CEP112: variants seen among roughly 807,000 people sequenced by gnomAD.
CEP112 encodes the protein centrosomal protein of 112 kDa.
In CEP112, 127 loss-of-function variants were observed where a neutral mutation model predicts 153.0. That is an observed-to-expected ratio of 0.83 (90% CI 0.72 to 0.96). The LOEUF is 0.96. Among genes scored for constraint, CEP112 ranks in the 40% least tolerant of loss-of-function variants. The pLI is 0.00. For missense variants in CEP112, 1,089 were observed against 1,101.2 expected, an observed-to-expected ratio of 0.99 and a Z score of 0.16; for synonymous variants, 358 against 374.4, an observed-to-expected ratio of 0.96 and a Z score of 0.51.
At chr17:65,923,587 C>A (rs542623519) in intron 19 of CEP112, among the ~76,000 whole-genome samples, 80 of 152,152 alleles carry the variant, frequency 5.3e-4, no homozygotes, top group African/African-American at 1.8e-3. Context: ...AAATATTATT[C>A]CATTTTAATG....
intron 12 of CEP112, among the ~76,000 whole-genome samples, chr17:66,049,308 A>T (rs188825946): frequency 6.6e-6 from 1 of 152,362 alleles, no homozygotes; most frequent in East Asian, 1.9e-4. Flanking sequence ...ACACTATGAA[A>T]GAAAGTCAGC....
At chr17:65,724,762 C>A (rs963629706) in intron 23 of CEP112, among the ~76,000 whole-genome samples, 1 of 152,176 alleles carries the variant, frequency 6.6e-6, no homozygotes, top group Non-Finnish European at 1.5e-5. Context: ...TCTACAGCAA[C>A]AAAGATGATC....
intron 24 of CEP112, among the ~76,000 whole-genome samples, chr17:65,646,563 GT>G (rs1270365465): frequency 6.6e-6 from 1 of 152,190 alleles, no homozygotes; most frequent in African/African-American, 2.4e-5. Context: ...GACTCTCCAT[GT>G]TTTTATATGG....
At position 66,066,831 on chromosome 17, in the gene CEP112, T is replaced by A; in HGVS notation, c.902A>T (p.Tyr301Phe). Residue 301 changes from tyrosine to phenylalanine, a missense_variant, in exon 10 of 27, where the codon TAC (tyrosine) becomes TTC (phenylalanine). Tyr to Phe is a conservative substitution (Grantham distance 22). Coordinates refer to ENST00000535342, the MANE Select transcript of CEP112 (RefSeq NM_001199165.4). The stretch of plus-strand genomic sequence containing the variant: ...TTCAGTTTCATGTTGTTTACTCCTG[T>A]ATAAAGTTTTCAGTTCTTCTATTTC... Reference protein sequence around the residue: ...NNEIEELKTLYRSKQHETEET... With the variant: ...NNEIEELKTLFRSKQHETEET... 1 of 1,552,658 alleles carries A rather than the reference T, an allele frequency of 6.4e-7. No homozygotes were observed. The highest frequency in any genetic ancestry group is 8.7e-7 in the Non-Finnish European group (1 of 1,153,402).
intron 24 of CEP112, among the ~76,000 whole-genome samples, chr17:65,659,048 A>G (rs12451098): frequency 0.42 from 52,372 of 124,870 alleles, 12,621 homozygotes; most frequent in Middle Eastern, 0.53. Context: ...AAAATATCAG[A>G]CCATTTCTAT....
At chr17:65,893,221 G>A (rs1369758200) in intron 20 of CEP112, among the ~76,000 whole-genome samples, 1 of 151,910 alleles carries the variant, frequency 6.6e-6, no homozygotes, top group Non-Finnish European at 1.5e-5. Flanking sequence ...TACAAACAAG[G>A]GAAGAGACCT....
chr17:65,806,562 C>T lies in CEP112; in HGVS notation c.2394+45242G>A, dbSNP rs866708135. ...GTAATCCCCACATACTGGGGGAGGG[C>T]CCTGGTGGGAGGTGACTGAATCATG... On this transcript the variant is annotated intron_variant, in intron 21 of 26. Coordinates refer to ENST00000535342, the MANE Select transcript of CEP112 (RefSeq NM_001199165.4). Among the ~76,000 whole-genome samples, 12 of 152,270 alleles carry T rather than the reference C, an allele frequency of 7.9e-5. No individual in the cohort carries two copies. The South Asian group carries it at 2.5e-3, about 32-fold the overall frequency.
intron 21 of CEP112, among the ~76,000 whole-genome samples, chr17:65,847,033 C>T (rs1389816161): frequency 6.6e-6 from 1 of 152,180 alleles, no homozygotes; most frequent in East Asian, 1.9e-4. Context: ...GATGTGAGCA[C>T]AGCATTTAGA....
intron 24 of CEP112, among the ~76,000 whole-genome samples, chr17:65,678,657 G>A (rs1461587974): frequency 6.6e-6 from 1 of 152,074 alleles, no homozygotes; most frequent in Non-Finnish European, 1.5e-5. Context: ...GGCCCTCCCC[G>A]TGGTCTTCGT....
chr17:65,987,090 T>TA (rs1217870350), intron 17 of CEP112, among the ~76,000 whole-genome samples: 1 of 151,992 alleles, frequency 6.6e-6, no homozygotes, highest in Non-Finnish European at 1.5e-5. Flanking sequence ...AAACACAGAA[T>TA]AAAAATATAC....
At chr17:65,932,412 G>A (rs2061158016) in intron 18 of CEP112, among the ~76,000 whole-genome samples, 1 of 152,098 alleles carries the variant, frequency 6.6e-6, no homozygotes, top group African/African-American at 2.4e-5. Flanking sequence ...CTCCAACAAT[G>A]AACCCTAAAA....
intron 2 of CEP112, among the ~76,000 whole-genome samples, chr17:66,177,841 A>C (rs2072551952): frequency 6.6e-6 from 1 of 152,014 alleles, no homozygotes; most frequent in South Asian, 2.1e-4. Flanking sequence ...AGCTTATTTC[A>C]CTTAACATAA....
chr17:65,658,309 G>T (rs971883157), intron 24 of CEP112, among the ~76,000 whole-genome samples: 1 of 152,190 alleles, frequency 6.6e-6, no homozygotes, highest in Admixed American at 6.5e-5. Context: ...TGGGATTCAG[G>T]GGGGCAGCTG....
intron 21 of CEP112, among the ~76,000 whole-genome samples, chr17:65,823,022 T>C (rs538373817): frequency 1.4e-4 from 21 of 152,204 alleles, no homozygotes; most frequent in Admixed American, 2.6e-4. Flanking sequence ...CTCTAGATGC[T>C]GAAAACTATA....
chr17:65,762,269 T>A (rs2052660187), intron 21 of CEP112, among the ~76,000 whole-genome samples: 1 of 152,080 alleles, frequency 6.6e-6, no homozygotes, highest in Non-Finnish European at 1.5e-5. Context: ...CTGCTTAGTG[T>A]TAGTATGGTA....
At chr17:65,968,457 GC>G (rs1481401902) in intron 17 of CEP112, among the ~76,000 whole-genome samples, 1 of 152,116 alleles carries the variant, frequency 6.6e-6, no homozygotes, top group Admixed American at 6.5e-5. Context: ...TGTGACAGAA[GC>G]TTTTCTGCTC....
intron 21 of CEP112, among the ~76,000 whole-genome samples, chr17:65,847,652 A>G (rs1372417526): frequency 6.6e-6 from 1 of 152,190 alleles, no homozygotes; most frequent in African/African-American, 2.4e-5. Flanking sequence ...ACAGAAGTAA[A>G]CAAGCTAGAC....
chr17:65,735,335 A>C (rs191136798), intron 23 of CEP112, among the ~76,000 whole-genome samples: 3 of 152,308 alleles, frequency 2.0e-5, no homozygotes, highest in African/African-American at 7.2e-5. Context: ...TTCAGCTCAT[A>C]CTCATACAGA....
In CEP112 at chr17:66,028,407, T is replaced by C. The variant is rs758814116; in HGVS notation, c.1504-2A>G. The C allele has an allele frequency of 6.6e-7, 1 of 1,513,370 alleles. No homozygotes were observed. Among genetic ancestry groups the C allele is most frequent in the Non-Finnish European group, 9.0e-7 (1 of 1,107,706 alleles). The allele number at this position is 1,513,370 out of a possible 1,614,324, so 93.7% of individuals were successfully genotyped here. A position where few individuals can be genotyped will look rare whatever the true frequency, so the allele number is the denominator to read the frequency against. ...TAATTCTTCAATCATACTAGATGCCTACAAGGATTTTAAGAAGAATAAAAA... is the reference window on the plus strand; with the variant it reads ...TAATTCTTCAATCATACTAGATGCCCACAAGGATTTTAAGAAGAATAAAAA... On this transcript the variant is annotated splice_acceptor_variant, in intron 14 of 26. Transcript: ENST00000535342. LOFTEE classifies it high-confidence loss of function.
Sources: gnomAD v4.1 joint callset for allele counts (sites outside exome capture counted in the v4.1 genomes callset) on GRCh38, gnomAD v4.1.1 for gene constraint, MANE v1.5 for transcripts, NCBI Gene and HGNC (gene_info 2026-07-23, HGNC 2026-07-21) for gene names.